ERICH6: variants seen among roughly 807,000 people sequenced by gnomAD.
ERICH6 encodes glutamate rich 6.
A neutral mutation model predicts 71.0 loss-of-function variants in ERICH6; 71 were observed. That is an observed-to-expected ratio of 1.00 (90% CI 0.83 to 1.22). The LOEUF is 1.22. ERICH6 is among the 50% of genes most tolerant of loss of function. The probability of loss-of-function intolerance (pLI) is 0.00; values close to 1 mark genes in which losing one functional copy is unlikely to be tolerated. For synonymous variants in ERICH6, 262 were observed against 278.4 expected (o/e 0.94, Z 0.59); for missense variants, 808 against 797.2 (o/e 1.01, Z -0.16).
chr3:150,660,259 T>C (rs940479816), intron 13 of ERICH6, 104 bp from the exon 14 acceptor site: 2 of 1,306,296 alleles, frequency 1.5e-6, no homozygotes, highest in African/African-American at 1.5e-5. Context: ...GATTCCCTGA[T>C]GAGGGTCCAC....
chr3:150,667,068 C>T, intron 12 of ERICH6, 53 bp from the exon 13 acceptor site: 2 of 1,509,380 alleles, frequency 1.3e-6, no homozygotes, highest in South Asian at 1.2e-5. Context: ...TAATTAAATA[C>T]TGGAATTATC....
In ERICH6 at chr3:150,678,947, A is replaced by T. The variant is rs903584641; in HGVS notation, c.1112-393T>A. Among the ~76,000 whole-genome samples the T allele has an allele frequency of 2.0e-5, 3 of 150,474 alleles. No individual in the cohort carries two copies. In the Admixed American group the frequency reaches 2.0e-4, roughly 10 times the overall value. The stretch of plus-strand genomic sequence containing the variant: ...TCCCAGCTGCTTGTGAGGCTAAGGC[A>T]GGAAAATTGAACCGGGAGGCAGAGG... On this transcript the variant is annotated intron_variant, in intron 9 of 13. Transcript: ENST00000295910.
chr3:150,680,925 G>GGA lies in ERICH6; in HGVS notation c.886_887dup (p.Cys297ProfsTer9). The GGA allele has an allele frequency of 1.2e-6, 2 of 1,607,760 alleles. No individual in the cohort carries two copies. The highest frequency in any genetic ancestry group is 1.7e-6 in the Non-Finnish European group (2 of 1,177,618). On this transcript the variant is annotated frameshift_variant, in exon 8 of 14. Coordinates refer to ENST00000295910, the MANE Select transcript of ERICH6 (RefSeq NM_152394.5). LOFTEE classifies it high-confidence loss of function. ...TCAGATTTTGGAAAGCAATACAACA[G>GGA]GAGGCCTGGAAAACACAGAAGTTAC...
At chr3:150,695,351 CA>C (rs901520935) in intron 3 of ERICH6, among the ~76,000 whole-genome samples, 12 of 151,886 alleles carry the variant, frequency 7.9e-5, no homozygotes. Flanking sequence ...TTAGAAAATA[CA>C]ATAGAAAAAA....
At position 150,680,887 on chromosome 3, in the gene ERICH6, T is replaced by G; in HGVS notation, c.926A>C (p.Tyr309Ser). 6.2e-7 allele frequency: 1 copy of G among 1,613,556 alleles called. No individual in the cohort carries two copies. Among genetic ancestry groups the G allele is most frequent in the Non-Finnish European group, 8.5e-7 (1 of 1,179,880 alleles). Reference protein sequence around the residue: ...IAFQNLIDYIYEEQIKTKPPK... With the variant: ...IAFQNLIDYISEEQIKTKPPK... ...GGGTTTGGTTTTTATTTGCTCCTCA[T>G]AGATATAGTCAATCAGATTTTGGAA... Residue 309 changes from tyrosine (Y) to serine (S), a missense_variant, in exon 8 of 14, where the codon TAT becomes TCT. By Grantham distance (144) the Tyr-to-Ser change is moderately radical (BLOSUM62 -2). Coordinates refer to ENST00000295910, the MANE Select transcript of ERICH6 (RefSeq NM_152394.5).
At chr3:150,660,474 G>A (rs974118883) in intron 13 of ERICH6, among the ~76,000 whole-genome samples, 1 of 152,192 alleles carries the variant, frequency 6.6e-6, no homozygotes, top group Non-Finnish European at 1.5e-5. Flanking sequence ...TACCCAGTGG[G>A]GGAGGTAGGG....
At chr3:150,699,480 A>G (rs562391433) in intron 2 of ERICH6, among the ~76,000 whole-genome samples, 5 of 152,196 alleles carry the variant, frequency 3.3e-5, no homozygotes, top group Non-Finnish European at 7.3e-5. Context: ...AGACTCTCCT[A>G]TGCAAGCTCT....
At chr3:150,684,292 C>T (rs1004813357) in intron 6 of ERICH6, among the ~76,000 whole-genome samples, 2 of 152,130 alleles carry the variant, frequency 1.3e-5, no homozygotes, top group Non-Finnish European at 2.9e-5. Flanking sequence ...AGTTTAGAAA[C>T]CTGGGTAAAT....
intron 3 of ERICH6, among the ~76,000 whole-genome samples, chr3:150,695,574 A>G (rs1047876039): frequency 6.6e-6 from 1 of 151,986 alleles, no homozygotes; most frequent in Non-Finnish European, 1.5e-5. Flanking sequence ...AAGCTGAGGC[A>G]AGAGAATCGC....
intron 2 of ERICH6, 79 bp downstream of exon 2, chr3:150,702,042 C>T: frequency 1.0e-6 from 1 of 981,936 alleles, no homozygotes. Context: ...GATTATTTTA[C>T]TCTACTTCCT....
chr3:150,666,812 C>A lies in ERICH6; in HGVS notation c.1703G>T (p.Arg568Ile). 4 of 1,614,106 alleles carry A rather than the reference C, an allele frequency of 2.5e-6. No homozygotes were observed. The highest frequency in any genetic ancestry group is 3.4e-6 in the Non-Finnish European group (4 of 1,180,012). Residue 568 changes from arginine to isoleucine, a missense_variant, in exon 13 of 14, where the codon AGA becomes ATA. Around this residue, in one of 3 missense-constraint regions of ERICH6, gnomAD observed 736 missense variants for 712.2 expected, o/e 1.03. Transcript: ENST00000295910. ...ITFLAMGQQA[R>I]ISVGTKVKLP... is the part of the protein sequence containing the mutation. ...CTTCACTTTGGTTCCAACACTGATT[C>A]TTGCCTGTTGGCCCATTGCTAGAAA... is the stretch of plus-strand genomic sequence containing the variant.
chr3:150,697,897 C>T (rs1357335709), intron 3 of ERICH6, among the ~76,000 whole-genome samples: 1 of 152,226 alleles, frequency 6.6e-6, no homozygotes, highest in South Asian at 2.1e-4. Flanking sequence ...CTCCTCCCTG[C>T]TTACTCCACT....
chr3:150,677,830 A>G (rs1711720860), intron 10 of ERICH6, among the ~76,000 whole-genome samples: 1 of 152,182 alleles, frequency 6.6e-6, no homozygotes, highest in Non-Finnish European at 1.5e-5. Context: ...AAGTTAAAAA[A>G]GAGATAAAAA....
At chr3:150,668,499 A>G (rs1283018072) in intron 12 of ERICH6, among the ~76,000 whole-genome samples, 2 of 152,176 alleles carry the variant, frequency 1.3e-5, no homozygotes, top group Admixed American at 6.5e-5. Flanking sequence ...ATCCTGAAAG[A>G]TAAGTAGAAA....
rs754860460 is a variant in ERICH6, at chr3:150,680,554, ACAT to A, written c.1041-19_1041-17del. The A allele has an allele frequency of 6.2e-7, 1 of 1,614,024 alleles. No homozygotes were observed. The highest frequency in any genetic ancestry group is 1.7e-5 in the Admixed American group (1 of 60,024). ...CTCCTGTTTCCTACAAAATCAGAAA[ACAT>A]CAGGCATAAATCTGAAATGTGGTTG... On this transcript the variant is annotated splice_polypyrimidine_tract_variant and intron_variant, in intron 8 of 13. Transcript: ENST00000295910.
intron 1 of ERICH6, 65 bp from the exon 2 acceptor site, chr3:150,702,243 C>G (rs928706559): frequency 5.3e-6 from 5 of 949,368 alleles, no homozygotes; most frequent in African/African-American, 5.1e-5. Context: ...TCTACCCCCC[C>G]CAGGAACACA....
At chr3:150,664,368 G>T (rs867174264) in intron 13 of ERICH6, among the ~76,000 whole-genome samples, 1 of 152,010 alleles carries the variant, frequency 6.6e-6, no homozygotes, top group African/African-American at 2.4e-5. Flanking sequence ...TATAAAATAG[G>T]CTGGGCACGG....
chr3:150,693,356 C>T (rs1273974232), intron 3 of ERICH6, among the ~76,000 whole-genome samples: 1 of 152,120 alleles, frequency 6.6e-6, no homozygotes, highest in Non-Finnish European at 1.5e-5. Context: ...CAATAAAAGC[C>T]CTTTGGGAAA....
Position 150,678,016 on chromosome 3 carries a change from G to A in ERICH6, c.1257+393C>T, listed in dbSNP as rs61570145. Among the ~76,000 whole-genome samples, 150 of 152,264 alleles carry A rather than the reference G, an allele frequency of 9.9e-4. 4 individuals are homozygous for A. The East Asian group carries it at 0.025, about 25-fold the overall frequency. On this transcript the variant is annotated intron_variant, in intron 10 of 13. Transcript: ENST00000295910. ...GACTTGTGGAATGGCTAGCGTGACT[G>A]AGAAATTACACTCTTAATTTAATTT...
Sources: gnomAD v4.1 joint callset for allele counts (sites outside exome capture counted in the v4.1 genomes callset) on GRCh38, gnomAD v4.1.1 for gene constraint, gnomAD v4.1.1 regional missense constraint, MANE v1.5 for transcripts, NCBI Gene and HGNC (gene_info 2026-07-23, HGNC 2026-07-21) for gene names.